Variants in BPIFC observed in about 807,000 individuals in gnomAD.
BPIFC encodes the protein BPI fold-containing family C protein.
A neutral mutation model predicts 57.6 loss-of-function variants in BPIFC; 60 were observed. The ratio of observed to expected loss-of-function variants is 1.04; its 90% confidence interval spans 0.85 to 1.29. BPIFC has a LOEUF of 1.29. Ranked by LOEUF, BPIFC falls within the 50% of genes most tolerant of loss-of-function variation. The pLI is 0.00. For synonymous variants in BPIFC, 243 were observed against 224.5 expected, an observed-to-expected ratio of 1.08 and a Z score of -0.74; for missense variants, 581 against 600.5, an observed-to-expected ratio of 0.97 and a Z score of 0.34.
At chr22:32,428,160 A>C (rs1042553340) in intron 13 of BPIFC, among the ~76,000 whole-genome samples, 2 of 152,188 alleles carry the variant, frequency 1.3e-5, no homozygotes, top group African/African-American at 4.8e-5. Flanking sequence ...AATGAAAATT[A>C]TATTTTATAA....
chr22:32,427,248 G>A (rs560152952), intron 13 of BPIFC, among the ~76,000 whole-genome samples: 3 of 152,204 alleles, frequency 2.0e-5, no homozygotes, highest in Non-Finnish European at 2.9e-5. Flanking sequence ...TGAACGTGCT[G>A]TTGCTTACTA....
In BPIFC at chr22:32,447,816, C is replaced by T. The variant is rs754002694; in HGVS notation, c.246-476G>A. 5.9e-5 allele frequency among the ~76,000 whole-genome samples: 9 copies of T among 151,810 alleles called. 1 individual carries two copies. The highest frequency in any genetic ancestry group is 3.3e-4 in the Admixed American group (5 of 15,232). On this transcript the variant is annotated intron_variant, in intron 4 of 16. Coordinates refer to ENST00000300399, the MANE Select transcript of BPIFC (RefSeq NM_174932.3). The stretch of plus-strand genomic sequence containing the variant: ...TAGAGGCAGGATCTCACTGTGTTGC[C>T]CAGACTGGTCTTGAACTCCTGGCCT...
chr22:32,442,441 TC>T, intron 8 of BPIFC, among the ~76,000 whole-genome samples: 2 of 152,182 alleles, frequency 1.3e-5, no homozygotes, highest in East Asian at 3.9e-4. Context: ...CTACATCTCA[TC>T]CCCCTGGAGC....
intron 13 of BPIFC, among the ~76,000 whole-genome samples, chr22:32,423,579 T>G (rs9609543): frequency 0.15 from 18,613 of 124,038 alleles, 1,509 homozygotes; most frequent in Non-Finnish European, 0.21. Context: ...AGGGTGTGGG[T>G]GTGTGTGTGT....
At chr22:32,429,509 GT>G (rs780948561) in intron 13 of BPIFC, among the ~76,000 whole-genome samples, 1,868 of 56,622 alleles carry the variant, frequency 0.033, 15 homozygotes, top group Middle Eastern at 0.045. Flanking sequence ...ACTGGCCTTT[GT>G]TTTTTTTTTT....
intron 13 of BPIFC, among the ~76,000 whole-genome samples, chr22:32,428,382 C>T (rs1425352377): frequency 6.6e-6 from 1 of 151,838 alleles, no homozygotes; most frequent in East Asian, 2.0e-4. Context: ...AATCCATTCA[C>T]CTTGGCCTCC....
At chr22:32,430,101 C>CT (rs1451414895) in intron 13 of BPIFC, among the ~76,000 whole-genome samples, 1 of 152,168 alleles carries the variant, frequency 6.6e-6, no homozygotes, top group African/African-American at 2.4e-5. Flanking sequence ...CGTCTGTGGC[C>CT]TGCACATGGC....
chr22:32,457,917 C>A (rs1935079831), intron 2 of BPIFC, among the ~76,000 whole-genome samples: 1 of 152,160 alleles, frequency 6.6e-6, no homozygotes. Context: ...TCTCCTCTTA[C>A]CCTGGTTCAA....
At chr22:32,464,015 G>T (rs1191631200) in intron 1 of BPIFC, among the ~76,000 whole-genome samples, 2 of 152,166 alleles carry the variant, frequency 1.3e-5, no homozygotes, top group Admixed American at 6.5e-5. Context: ...AGACAAGATA[G>T]AATTTTCTGC....
chr22:32,452,580 G>A (rs911339420), intron 4 of BPIFC, among the ~76,000 whole-genome samples: 2 of 151,800 alleles, frequency 1.3e-5, no homozygotes, highest in Non-Finnish European at 2.9e-5. Flanking sequence ...AGAGCTTGCA[G>A]TGAGCCGAGA....
intron 7 of BPIFC, among the ~76,000 whole-genome samples, chr22:32,444,617 C>G (rs1934662669): frequency 6.6e-6 from 1 of 152,214 alleles, no homozygotes; most frequent in Admixed American, 6.5e-5. Flanking sequence ...TCTTCAGACA[C>G]TGACTTCTGA....
At chr22:32,443,162 C>CA (rs1555879034) in intron 7 of BPIFC, among the ~76,000 whole-genome samples, 6,775 of 133,846 alleles carry the variant, frequency 0.051, 336 homozygotes, top group East Asian at 0.26. Flanking sequence ...AGAGCTGGAG[C>CA]TTTTTTTTTT....
At chr22:32,461,704 G>A (rs2145973319) in intron 1 of BPIFC, 43 bp from the exon 2 acceptor site, 2 of 943,940 alleles carry the variant, frequency 2.1e-6, no homozygotes, top group Non-Finnish European at 2.5e-6. Context: ...GGAGTGAGGA[G>A]AACACTTCTG....
rs1276195311 is a variant in BPIFC at position 32,432,533 on chromosome 22, A to T, written c.989T>A (p.Ile330Asn). The T allele has an allele frequency of 1.2e-6, 2 of 1,613,778 alleles. No homozygotes were observed. Among genetic ancestry groups the T allele is most frequent in the East Asian group, 4.5e-5 (2 of 44,880 alleles). Residue 330 changes from isoleucine to asparagine, a missense_variant, in exon 12 of 17, where the codon ATC (isoleucine) becomes AAC (asparagine). Coordinates refer to ENST00000300399, the MANE Select transcript of BPIFC (RefSeq NM_174932.3). ...CATGAAGGGCTGGGACAAGATGTAGATCTCTGCAATCTGCCCACATTCCGA... is the reference window on the plus strand; with the variant it reads ...CATGAAGGGCTGGGACAAGATGTAGTTCTCTGCAATCTGCCCACATTCCGA... ...LGNVLSRIAE[I>N]YILSQPFMVR...
intron 7 of BPIFC, among the ~76,000 whole-genome samples, chr22:32,444,491 T>G (rs1400943484): frequency 6.6e-6 from 1 of 152,200 alleles, no homozygotes; most frequent in Non-Finnish European, 1.5e-5. Context: ...AGAGTCTTCC[T>G]TCTTTTCTAT....
chr22:32,420,819 A>G (rs1300658717), intron 13 of BPIFC, among the ~76,000 whole-genome samples: 1 of 152,252 alleles, frequency 6.6e-6, no homozygotes, highest in African/African-American at 2.4e-5. Flanking sequence ...TAGGTACTCC[A>G]TGAATGTAAA....
intron 3 of BPIFC, among the ~76,000 whole-genome samples, chr22:32,453,973 T>C (rs1820606438): frequency 6.6e-6 from 1 of 152,032 alleles, no homozygotes; most frequent in Non-Finnish European, 1.5e-5. Flanking sequence ...TAGCTGGGCA[T>C]AATGGTGCAT....
chr22:32,461,104 G>A (rs1234756323), intron 2 of BPIFC, among the ~76,000 whole-genome samples: 1 of 152,140 alleles, frequency 6.6e-6, no homozygotes, highest in Admixed American at 6.5e-5. Context: ...TCATGGGGAG[G>A]ACAGGGGATG....
At chr22:32,433,248 A>G (rs747580313) in intron 11 of BPIFC, among the ~76,000 whole-genome samples, 3 of 152,166 alleles carry the variant, frequency 2.0e-5, no homozygotes, top group Non-Finnish European at 4.4e-5. Context: ...CTGACTCAAG[A>G]TCCTTGCTCT....
Sources: allele counts gnomAD v4.1 joint callset (sites outside exome capture counted in the v4.1 genomes callset), GRCh38; gene constraint gnomAD v4.1.1; transcripts MANE v1.5; gene names NCBI Gene and HGNC (gene_info 2026-07-23, HGNC 2026-07-21).